DYNC2I1: variants seen among roughly 807,000 people sequenced by gnomAD.
The protein encoded by DYNC2I1 is dynein 2 intermediate chain 1, also known as cytoplasmic dynein 2 intermediate chain 1.
A neutral mutation model predicts 133.4 loss-of-function variants in DYNC2I1; 89 were observed. That is an observed-to-expected ratio of 0.67 (90% CI 0.56 to 0.80). The LOEUF (loss-of-function observed/expected upper bound fraction) is 0.80. Ranked by LOEUF, DYNC2I1 falls within the 30% of genes least tolerant of loss-of-function variation. DYNC2I1 has a pLI of 0.00. For missense variants in DYNC2I1, 1,291 were observed against 1,314.5 expected (o/e 0.98, Z 0.28); for synonymous variants, 504 against 484.3 (o/e 1.04, Z -0.54).
intron 17 of DYNC2I1, among the ~76,000 whole-genome samples, chr7:158,924,596 T>C (rs1184630295): frequency 1.3e-5 from 2 of 152,240 alleles, no homozygotes; most frequent in African/African-American, 2.4e-5. Flanking sequence ...TCGCAACTTA[T>C]GGGTTGCGAT....
At chr7:158,886,933 A>T in intron 6 of DYNC2I1, 88 bp from the exon 7 acceptor site, 1 of 1,228,988 alleles carries the variant, frequency 8.1e-7, no homozygotes, top group Non-Finnish European at 1.2e-6. Flanking sequence ...AAATATTGTT[A>T]AGAGCTTTCA....
intron 5 of DYNC2I1, among the ~76,000 whole-genome samples, chr7:158,883,733 G>A (rs1198743614): frequency 9.5e-5 from 12 of 126,476 alleles, no homozygotes; most frequent in African/African-American, 3.3e-4. Flanking sequence ...GCGCAATCTC[G>A]GCTCACTGCA....
intron 23 of DYNC2I1, among the ~76,000 whole-genome samples, chr7:158,936,500 T>TA (rs1850768823): frequency 6.6e-6 from 1 of 152,170 alleles, no homozygotes. Context: ...TTTGTGAAAG[T>TA]AAAATTGAGG....
Position 158,902,585 on chromosome 7 carries a change from G to C in DYNC2I1, c.1347G>C (p.Glu449Asp), listed in dbSNP as rs764955999. 2 of 1,613,614 alleles carry C rather than the reference G, an allele frequency of 1.2e-6. No homozygotes were observed. The highest frequency in any genetic ancestry group is 1.7e-6 in the Non-Finnish European group (2 of 1,179,806). Residue 449 changes from glutamate to aspartate, a missense_variant, in exon 10 of 25, where the codon GAG becomes GAC. Transcript: ENST00000407559. The part of the protein sequence containing the change: ...QKRGRTEFEK[E>D]PRTDTNSSPS... ...GAGGTAGAACAGAATTTGAAAAGGA[G>C]CCCAGGACAGGTAAACAAATCAATG... is the stretch of plus-strand genomic sequence containing the variant.
At chr7:158,860,800 A>T (rs1303836908) in intron 1 of DYNC2I1, among the ~76,000 whole-genome samples, 4 of 152,008 alleles carry the variant, frequency 2.6e-5, no homozygotes, top group Non-Finnish European at 5.9e-5. Context: ...TACCCTTTTT[A>T]TTTTCATGTG....
rs751472905 is a variant in DYNC2I1, at chr7:158,879,984, T to C, written c.874T>C (p.Ser292Pro). The C allele has an allele frequency of 1.3e-6, 2 of 1,591,822 alleles. No individual in the cohort carries two copies. Among genetic ancestry groups the C allele is most frequent in the South Asian group, 2.3e-5 (2 of 87,588 alleles). ...AAAAGATGAGCCCAGGAAAAGGGAA[T>C]CCCAGGTACCCCTTCTGATGCTTCG... ...SAKDEPRKRE[S>P]QNGEHRNRGA... is the part of the protein sequence containing the mutation. Residue 292 changes from serine (S) to proline (P), a missense_variant, in exon 5 of 25, where the codon TCC becomes CCC. Physicochemically the swap from Ser to Pro is moderately conservative, Grantham distance 74. Transcript: ENST00000407559.
chr7:158,856,599 T>TCTGGGCAGTGCTTCTGGGCCCA lies in DYNC2I1; in HGVS notation c.-134_-133insGGCAGTGCTTCTGGGCCCACTG. ...CACGCTGGGCAGTGCTTCTGGGCCC[T>TCTGGGCAGTGCTTCTGGGCCCA]CTGCTGCTCCTGCTTGTCGGTTGCT... On this transcript the variant is annotated 5_prime_UTR_variant, in exon 1 of 25. Transcript: ENST00000407559. 1 of 933,054 alleles carries TCTGGGCAGTGCTTCTGGGCCCA rather than the reference T, an allele frequency of 1.1e-6. No homozygotes were observed. The highest frequency in any genetic ancestry group is 1.4e-6 in the Non-Finnish European group (1 of 716,318). 57.8% of individuals were successfully genotyped at this position (933,054 alleles called of 1,614,324 possible).
In DYNC2I1 at chr7:158,926,114, T is replaced by C. The variant is rs2527189; in HGVS notation, c.2258-73T>C. ...GAGACCCAGAAGCACCTCGTGTTTG[T>C]CCCTGTGTGATGCGAACTGCATTTC... On this transcript the variant is annotated intron_variant, in intron 17 of 24. Transcript: ENST00000407559. 121,820 of 1,193,744 alleles carry C rather than the reference T, an allele frequency of 0.1. 7,546 individuals carry two copies. The highest frequency in any genetic ancestry group is 0.22 in the South Asian group (16,697 of 76,514). The allele number at this position is 1,193,744 out of a possible 1,614,324, so 73.9% of individuals were successfully genotyped here.
At chr7:158,883,865 C>T (rs978206738) in intron 5 of DYNC2I1, among the ~76,000 whole-genome samples, 4 of 149,310 alleles carry the variant, frequency 2.7e-5, no homozygotes, top group Admixed American at 6.7e-5. Flanking sequence ...GGAGTTTCAC[C>T]GTGTTAGCCA....
intron 11 of DYNC2I1, among the ~76,000 whole-genome samples, chr7:158,910,229 G>A (rs1259160500): frequency 6.6e-6 from 1 of 152,286 alleles, no homozygotes; most frequent in African/African-American, 2.4e-5. Context: ...TGTTTGTGAA[G>A]CAAGAGGAAG....
At chr7:158,864,484 ATAG>A (rs1842223626) in intron 1 of DYNC2I1, among the ~76,000 whole-genome samples, 1 of 152,104 alleles carries the variant, frequency 6.6e-6, no homozygotes, top group Non-Finnish European at 1.5e-5. Flanking sequence ...ATAAGCAGAA[ATAG>A]TAGTATCTGG....
chr7:158,881,884 C>T (rs982636647), intron 5 of DYNC2I1, among the ~76,000 whole-genome samples: 6 of 152,216 alleles, frequency 3.9e-5, no homozygotes, highest in African/African-American at 1.4e-4. Context: ...GTACCCATAA[C>T]TTAGACTCCG....
At chr7:158,902,686 A>G (rs1234595666) in intron 10 of DYNC2I1, 91 bp downstream of exon 10, 1 of 1,195,592 alleles carries the variant, frequency 8.4e-7, no homozygotes, top group Admixed American at 2.2e-5. Context: ...GGCCTACTCT[A>G]ATAAGGTGGG....
downstream of DYNC2I1, among the ~76,000 whole-genome samples, chr7:158,950,831 G>A (rs1267612314): frequency 1.3e-5 from 2 of 148,824 alleles, no homozygotes; most frequent in African/African-American, 2.5e-5. Context: ...GCCTCTATAT[G>A]ATTCCAGGTG....
intron 11 of DYNC2I1, among the ~76,000 whole-genome samples, chr7:158,908,180 C>T (rs1224629817): frequency 6.6e-6 from 1 of 151,668 alleles, no homozygotes; most frequent in Non-Finnish European, 1.5e-5. Flanking sequence ...TATAGAGGCA[C>T]TTTTACTACT....
At chr7:158,858,977 C>T (rs1356991532) in intron 1 of DYNC2I1, among the ~76,000 whole-genome samples, 3 of 62,384 alleles carry the variant, frequency 4.8e-5, no homozygotes, top group Non-Finnish European at 9.1e-5. Context: ...CCTCCCCTTT[C>T]CTCCCCTCCC....
chr7:158,888,469 A>G (rs1250050286), intron 7 of DYNC2I1, among the ~76,000 whole-genome samples: 5 of 135,844 alleles, frequency 3.7e-5, no homozygotes, highest in African/African-American at 1.4e-4. Flanking sequence ...CCATACATAC[A>G]TATATATATA....
intron 14 of DYNC2I1, among the ~76,000 whole-genome samples, chr7:158,915,324 C>T (rs372161197): frequency 5.3e-5 from 3 of 57,042 alleles, no homozygotes; most frequent in African/African-American, 2.2e-4. Flanking sequence ...CGCTGGTTGA[C>T]ATTAAGGATG....
chr7:158,901,898 C>CTT (rs1363103020), intron 9 of DYNC2I1, 82 bp downstream of exon 9: 1 of 981,360 alleles, frequency 1.0e-6, no homozygotes, highest in African/African-American at 1.7e-5. Context: ...ATTTGATGTC[C>CTT]TTTTTATTCT....
Sources: allele counts gnomAD v4.1 joint callset (sites outside exome capture counted in the v4.1 genomes callset), GRCh38; gene constraint gnomAD v4.1.1; transcripts MANE v1.5; gene names NCBI Gene and HGNC (gene_info 2026-07-23, HGNC 2026-07-21).